Variants in NEGR1 observed in about 807,000 individuals in gnomAD.
NEGR1 encodes the protein IgLON family member 4.
NEGR1 carries 10 observed loss-of-function variants against 40.9 expected under a neutral mutation model. That is an observed-to-expected ratio of 0.24 (90% CI 0.15 to 0.42). The LOEUF (loss-of-function observed/expected upper bound fraction) is 0.42, where lower values mean the gene tolerates loss of function less well. Among genes scored for constraint, NEGR1 ranks in the 10% least tolerant of loss-of-function variants. NEGR1 has a pLI of 1.00. For synonymous variants in NEGR1, 185 were observed against 166.8 expected (o/e 1.11, Z -0.84); for missense variants, 352 against 438.9 (o/e 0.80, Z 1.77).
intron 4 of NEGR1, among the ~76,000 whole-genome samples, chr1:71,644,964 G>A (rs1041514282): frequency 4.6e-5 from 7 of 151,766 alleles, no homozygotes; most frequent in Admixed American, 6.6e-5. Flanking sequence ...TCTCTCTTTA[G>A]TTATTTTTTC....
At chr1:71,571,643 T>A (rs188214429) in intron 6 of NEGR1, among the ~76,000 whole-genome samples, 20 of 151,766 alleles carry the variant, frequency 1.3e-4, no homozygotes, top group Admixed American at 1.2e-3. Context: ...TACAAAAAAA[T>A]TTAGCCAGAC....
intron 2 of NEGR1, among the ~76,000 whole-genome samples, chr1:71,831,656 A>G (rs919212308): frequency 6.6e-6 from 1 of 151,962 alleles, no homozygotes; most frequent in Non-Finnish European, 1.5e-5. Flanking sequence ...AGTTGCTGTG[A>G]CATACTATTA....
chr1:72,041,967 TAAATATATAATACATA>T (rs1646960216), intron 1 of NEGR1, among the ~76,000 whole-genome samples: 2 of 145,006 alleles, frequency 1.4e-5, no homozygotes, highest in African/African-American at 5.0e-5. Context: ...ATATTATATA[TAAATATATAATACATA>T]TTTGAGACTC....
At chr1:71,632,602 G>A (rs1034433521) in intron 4 of NEGR1, among the ~76,000 whole-genome samples, 2 of 150,998 alleles carry the variant, frequency 1.3e-5, no homozygotes, top group South Asian at 2.1e-4. Flanking sequence ...GATTGATATA[G>A]CATATTATAG....
intron 4 of NEGR1, among the ~76,000 whole-genome samples, chr1:71,614,089 A>G (rs951479730): frequency 6.6e-6 from 1 of 152,076 alleles, no homozygotes; most frequent in Admixed American, 6.6e-5. Context: ...TGGTGTTTTT[A>G]TTCTTATTAT....
intron 4 of NEGR1, among the ~76,000 whole-genome samples, chr1:71,643,391 G>T (rs1651420564): frequency 6.6e-6 from 1 of 151,884 alleles, no homozygotes; most frequent in South Asian, 2.1e-4. Context: ...AAAATGATAT[G>T]CTGGAAAATC....
intron 1 of NEGR1, among the ~76,000 whole-genome samples, chr1:72,132,227 G>A (rs1227140998): frequency 1.3e-5 from 2 of 152,156 alleles, no homozygotes; most frequent in African/African-American, 4.8e-5. Flanking sequence ...ACGTTACTAT[G>A]AAGTTAGAAA....
intron 6 of NEGR1, among the ~76,000 whole-genome samples, chr1:71,539,755 T>G (rs561244675): frequency 6.6e-6 from 1 of 151,730 alleles, no homozygotes; most frequent in Non-Finnish European, 1.5e-5. Flanking sequence ...TCAAAACTAC[T>G]TTGAATAAAA....
intron 1 of NEGR1, among the ~76,000 whole-genome samples, chr1:72,242,295 A>T (rs1570165752): frequency 1.3e-5 from 2 of 151,756 alleles, no homozygotes; most frequent in African/African-American, 4.8e-5. Flanking sequence ...ATGAGAAAAA[A>T]TTAAGCTATA....
chr1:72,032,773 T>C (rs979673539), intron 1 of NEGR1, among the ~76,000 whole-genome samples: 1 of 152,152 alleles, frequency 6.6e-6, no homozygotes, highest in Non-Finnish European at 1.5e-5. Context: ...AACCTGACCA[T>C]ATTGATTAGA....
intron 4 of NEGR1, among the ~76,000 whole-genome samples, chr1:71,688,366 T>TATAA (rs1557613796): frequency 9.9e-5 from 3 of 30,436 alleles, no homozygotes; most frequent in African/African-American, 2.2e-4. Flanking sequence ...TATATATATA[T>TATAA]GAGATATATA....
intron 6 of NEGR1, among the ~76,000 whole-genome samples, chr1:71,476,296 C>T (rs1459191533): frequency 6.6e-6 from 1 of 152,080 alleles, no homozygotes; most frequent in East Asian, 1.9e-4. Flanking sequence ...TCTTTCCTTT[C>T]TACCTTCAAC....
At chr1:71,769,197 C>A (rs997290794) in intron 3 of NEGR1, among the ~76,000 whole-genome samples, 1 of 151,286 alleles carries the variant, frequency 6.6e-6, no homozygotes, top group Admixed American at 6.6e-5. Context: ...TATTTCTAGG[C>A]TTATTAATAC....
chr1:72,129,810 T>C lies in NEGR1; in HGVS notation c.176+152509A>G, dbSNP rs1045512178. On this transcript the variant is annotated intron_variant, in intron 1 of 6. Coordinates refer to ENST00000357731, the MANE Select transcript of NEGR1 (RefSeq NM_173808.3). ...TCATCCCTCACTGCTTTTGTTCTCA[T>C]ACTCTATTCAATTTAAGAAAATATT... Among the ~76,000 whole-genome samples, 3 of 152,228 alleles carry C rather than the reference T, an allele frequency of 2.0e-5. No homozygotes were observed. The East Asian group carries it at 5.8e-4, about 29-fold the overall frequency.
At chr1:71,574,895 T>A (rs1220248593) in intron 6 of NEGR1, among the ~76,000 whole-genome samples, 2 of 152,198 alleles carry the variant, frequency 1.3e-5, no homozygotes, top group Non-Finnish European at 2.9e-5. Context: ...TCTGGGTCCA[T>A]TTAGTTTTAA....
At chr1:72,112,217 T>A (rs1557532267) in intron 1 of NEGR1, among the ~76,000 whole-genome samples, 1 of 151,412 alleles carries the variant, frequency 6.6e-6, no homozygotes, top group Non-Finnish European at 1.5e-5. Context: ...CTTCACTTTT[T>A]TTTTTTAATT....
chr1:72,270,778 C>G (rs1655816388), intron 1 of NEGR1, among the ~76,000 whole-genome samples: 1 of 151,786 alleles, frequency 6.6e-6, no homozygotes, highest in Non-Finnish European at 1.5e-5. Context: ...AATCAAATCA[C>G]CATCAGTCTG....
At chr1:71,745,850 A>G (rs897830534) in intron 3 of NEGR1, among the ~76,000 whole-genome samples, 1 of 152,182 alleles carries the variant, frequency 6.6e-6, no homozygotes, top group Admixed American at 6.5e-5. Context: ...AAGCCTAAAA[A>G]TATTACTCTA....
chr1:71,863,037 T>C (rs1235488532), intron 2 of NEGR1, among the ~76,000 whole-genome samples: 2 of 152,162 alleles, frequency 1.3e-5, no homozygotes, highest in Non-Finnish European at 2.9e-5. Flanking sequence ...GAAGAGAGTA[T>C]GGTGATTCCT....
Sources: allele counts gnomAD v4.1 joint callset (sites outside exome capture counted in the v4.1 genomes callset), GRCh38; gene constraint gnomAD v4.1.1; transcripts MANE v1.5; gene names NCBI Gene and HGNC (gene_info 2026-07-23, HGNC 2026-07-21).